Variants in PLEKHH2 observed in about 807,000 individuals in gnomAD.
PLEKHH2 encodes pleckstrin homology, MyTH4 and FERM domain containing H2.
In PLEKHH2, 129 loss-of-function variants were observed where a neutral mutation model predicts 187.9. That is an observed-to-expected ratio of 0.69 (90% CI 0.59 to 0.79). The LOEUF is 0.79. PLEKHH2 is among the 30% of genes least tolerant of loss of function. PLEKHH2 has a pLI of 0.00. For missense variants in PLEKHH2, 2,076 were observed against 1,751.2 expected (o/e 1.19, Z -3.31); for synonymous variants, 686 against 605.6 (o/e 1.13, Z -1.95).
intron 2 of PLEKHH2, among the ~76,000 whole-genome samples, chr2:43,678,579 G>A (rs921066473): frequency 1.2e-4 from 19 of 152,096 alleles, no homozygotes; most frequent in Admixed American, 1.0e-3. Flanking sequence ...GCGTGGCGGC[G>A]CGCGCCTGCA....
rs1669131165 is a variant in PLEKHH2, at chr2:43,697,094, T to C, written c.503-77T>C. The C allele has an allele frequency of 2.4e-6, 3 of 1,256,712 alleles. No homozygotes were observed. The South Asian group carries it at 5.8e-5, about 24-fold the overall frequency. The allele number at this position is 1,256,712 out of a possible 1,614,324, so 77.8% of individuals were successfully genotyped here. ...GGCATAAAGAGTGATTTGTTCAAGT[T>C]TTTATATGCCTTGGTTCTATGTTTA... is the stretch of plus-strand genomic sequence containing the variant. On this transcript the variant is annotated intron_variant, in intron 6 of 29. Transcript: ENST00000282406.
chr2:43,733,445 C>G (rs1671144974), intron 19 of PLEKHH2, among the ~76,000 whole-genome samples: 1 of 151,590 alleles, frequency 6.6e-6, no homozygotes, highest in East Asian at 1.9e-4. Flanking sequence ...AACGGTGGAC[C>G]TTCTGTGTTT....
intron 16 of PLEKHH2, 128 bp downstream of exon 16, chr2:43,720,877 T>G: frequency 7.2e-7 from 1 of 1,389,074 alleles, no homozygotes; most frequent in Non-Finnish European, 9.5e-7. Context: ...TTTGGTATAA[T>G]TTGGTGCAAC....
At chr2:43,711,289 A>G in intron 14 of PLEKHH2, 1 of 985,422 alleles carries the variant, frequency 1.0e-6, no homozygotes. Context: ...AGTGATTTGT[A>G]CCTGAAAACC....
chr2:43,700,824 AT>A (rs1356071548), intron 8 of PLEKHH2, among the ~76,000 whole-genome samples: 1 of 151,966 alleles, frequency 6.6e-6, no homozygotes, highest in African/African-American at 2.4e-5. Flanking sequence ...TAATTTTTGT[AT>A]TTTTGGTAGA....
chr2:43,767,412 AT>A lies in PLEKHH2; in HGVS notation c.*1820del, dbSNP rs34107958. The A allele has an allele frequency of 1.8e-4, 28 of 152,346 alleles. No individual in the cohort carries two copies. Among genetic ancestry groups the A allele is most frequent in the Admixed American group, 7.2e-4 (11 of 15,288 alleles). 9.4% of individuals were successfully genotyped at this position (152,346 alleles called of 1,614,324 possible). A position where few individuals can be genotyped will look rare whatever the true frequency, so the allele number is the denominator to read the frequency against. ...CTTTATTGATAATGACAAAAAGAATATTTTTTAAACCCCATCAAAATAGATT... is the reference window on the plus strand; with the variant it reads ...CTTTATTGATAATGACAAAAAGAATATTTTTAAACCCCATCAAAATAGATT... On this transcript the variant is annotated 3_prime_UTR_variant, in exon 30 of 30. Coordinates refer to ENST00000282406, the MANE Select transcript of PLEKHH2 (RefSeq NM_172069.4).
intron 2 of PLEKHH2, among the ~76,000 whole-genome samples, chr2:43,650,616 A>T (rs1352622298): frequency 6.6e-6 from 1 of 151,970 alleles, no homozygotes; most frequent in African/African-American, 2.4e-5. Context: ...TAATCACTCA[A>T]AAGCAAAGCA....
chr2:43,692,452 G>A, intron 3 of PLEKHH2, 62 bp from the exon 4 acceptor site: 3 of 1,349,836 alleles, frequency 2.2e-6, no homozygotes, highest in Non-Finnish European at 3.0e-6. Context: ...TAAAATTCTA[G>A]GTTTAATACT....
At chr2:43,707,633 T>A in intron 11 of PLEKHH2, 88 bp downstream of exon 11, 3 of 1,488,470 alleles carry the variant, frequency 2.0e-6, no homozygotes, top group Non-Finnish European at 1.8e-6. Context: ...GATTATTTTT[T>A]AAATCCAAGA....
At chr2:43,758,283 T>C (rs893317106) in intron 26 of PLEKHH2, among the ~76,000 whole-genome samples, 4 of 152,150 alleles carry the variant, frequency 2.6e-5, no homozygotes, top group African/African-American at 9.7e-5. Flanking sequence ...GACAGAGTCT[T>C]GCTCTGCCAC....
intron 2 of PLEKHH2, among the ~76,000 whole-genome samples, chr2:43,655,218 C>T (rs1484128656): frequency 6.6e-6 from 1 of 151,508 alleles, no homozygotes; most frequent in Non-Finnish European, 1.5e-5. Flanking sequence ...TAAAGGCCCG[C>T]ACAAATACTT....
chr2:43,691,545 A>G (rs1252517250), intron 3 of PLEKHH2, among the ~76,000 whole-genome samples: 3 of 152,216 alleles, frequency 2.0e-5, no homozygotes, highest in Admixed American at 6.5e-5. Flanking sequence ...CAGGTTCTCA[A>G]TCTGGTTCAA....
In PLEKHH2 at chr2:43,729,717, C is replaced by T. The variant is rs1325472530; in HGVS notation, c.2802C>T (p.Cys934=). ...NVGSEFEQLV[C]KLLNIDGEPS... is the part of the protein sequence containing the mutation. ...GATCTGAATTTGAACAACTGGTTTGCAAATTGCTAAATATAGACGGGGAGC... is the reference window on the plus strand; with the variant it reads ...GATCTGAATTTGAACAACTGGTTTGTAAATTGCTAAATATAGACGGGGAGC... The change falls in exon 18 of 30, where the codon TGC becomes TGT. Residue 934 remains cysteine (C), a synonymous_variant. Transcript: ENST00000282406. 6.2e-7 allele frequency: 1 copy of T among 1,606,156 alleles called. No individual in the cohort carries two copies.
intron 16 of PLEKHH2, among the ~76,000 whole-genome samples, chr2:43,720,950 C>A (rs1670450135): frequency 6.6e-6 from 1 of 152,128 alleles, no homozygotes; most frequent in South Asian, 2.1e-4. Context: ...TAATTACAAG[C>A]CTTAGCAACT....
chr2:43,762,040 T>C (rs1225681993), intron 27 of PLEKHH2, among the ~76,000 whole-genome samples: 2 of 152,164 alleles, frequency 1.3e-5, no homozygotes, highest in Non-Finnish European at 2.9e-5. Context: ...GATGAGGAAA[T>C]TGAGCCTCAA....
At position 43,644,750 on chromosome 2, in the gene PLEKHH2, A is replaced by C. The variant is rs142373974; in HGVS notation, c.77A>C (p.Lys26Thr). 6.2e-7 allele frequency: 1 copy of C among 1,609,998 alleles called. No homozygotes were observed. Among genetic ancestry groups the C allele is most frequent in the African/African-American group, 1.3e-5 (1 of 74,770 alleles). The change falls in exon 2 of 30, where the codon AAA becomes ACA. Residue 26 changes from lysine to threonine, a missense_variant. Transcript: ENST00000282406. ...RCVALESQLM[K>T]FRVQASKIRE... is the part of the protein sequence containing the mutation. ...GTAGCTCTGGAGTCCCAACTCATGAAATTTAGAGTTCAAGCAAGCAAGATA... is the reference window on the plus strand; with the variant it reads ...GTAGCTCTGGAGTCCCAACTCATGACATTTAGAGTTCAAGCAAGCAAGATA...
intron 1 of PLEKHH2, among the ~76,000 whole-genome samples, chr2:43,639,082 ATACTTT>A (rs959678177): frequency 6.6e-6 from 1 of 152,222 alleles, no homozygotes; most frequent in African/African-American, 2.4e-5. Flanking sequence ...TATATGTATG[ATACTTT>A]TCATATTTGG....
At chr2:43,650,625 C>G (rs1666420696) in intron 2 of PLEKHH2, among the ~76,000 whole-genome samples, 3 of 151,448 alleles carry the variant, frequency 2.0e-5, no homozygotes, top group African/African-American at 7.3e-5. Flanking sequence ...AAAAGCAAAG[C>G]ATTACCTTTC....
chr2:43,676,943 T>G (rs1209449423), intron 2 of PLEKHH2, among the ~76,000 whole-genome samples: 1 of 152,194 alleles, frequency 6.6e-6, no homozygotes, highest in Non-Finnish European at 1.5e-5. Context: ...AATAGGACAT[T>G]TGAAGCCTTT....
Sources: gnomAD v4.1 joint callset for allele counts (sites outside exome capture counted in the v4.1 genomes callset) on GRCh38, gnomAD v4.1.1 for gene constraint, MANE v1.5 for transcripts, NCBI Gene and HGNC (gene_info 2026-07-23, HGNC 2026-07-21) for gene names.